The following FAM110B variants were observed in gnomAD, a reference collection of about 807,000 sequenced individuals.
FAM110B encodes protein FAM110B.
In FAM110B, 6 loss-of-function variants were observed where a neutral mutation model predicts 20.4. That is an observed-to-expected ratio of 0.29 (90% confidence interval 0.16 to 0.58). The LOEUF is 0.58. FAM110B is among the 20% of genes least tolerant of loss of function. FAM110B has a pLI of 0.90. For synonymous variants in FAM110B, 226 were observed against 214.1 expected, an observed-to-expected ratio of 1.06 and a Z score of -0.49; for missense variants, 434 against 498.2, an observed-to-expected ratio of 0.87 and a Z score of 1.23.
chr8:58,086,528 G>A (rs1806339689), intron 3 of FAM110B, among the ~76,000 whole-genome samples: 1 of 152,032 alleles, frequency 6.6e-6, no homozygotes, highest in Non-Finnish European at 1.5e-5. Flanking sequence ...CTGAAACCTG[G>A]CTTTGAAGTG....
intron 1 of FAM110B, among the ~76,000 whole-genome samples, chr8:58,006,921 A>ATTTTTTTTTTTT (rs142497701): frequency 2.5e-5 from 3 of 119,652 alleles, no homozygotes; most frequent in Admixed American, 8.2e-5. Context: ...ATATATATAT[A>ATTTTTTTTTTTT]TATTTTTCCA....
chr8:58,084,836 C>T (rs1007886949), intron 3 of FAM110B, among the ~76,000 whole-genome samples: 17 of 152,104 alleles, frequency 1.1e-4, no homozygotes, highest in Non-Finnish European at 2.1e-4. Context: ...TGTCAGGTGC[C>T]AGCAGGGATT....
intron 3 of FAM110B, among the ~76,000 whole-genome samples, chr8:58,133,474 A>C (rs558075023): frequency 1.3e-5 from 2 of 152,308 alleles, no homozygotes; most frequent in African/African-American, 4.8e-5. Flanking sequence ...GGTCAGTACC[A>C]CCACTCACCA....
chr8:58,052,111 A>G (rs1315976627), intron 2 of FAM110B, among the ~76,000 whole-genome samples: 1 of 152,206 alleles, frequency 6.6e-6, no homozygotes, highest in Non-Finnish European at 1.5e-5. Flanking sequence ...AAATCAAAAC[A>G]TGGGAATCAT....
chr8:58,073,996 G>A (rs889956740), intron 2 of FAM110B, among the ~76,000 whole-genome samples: 2 of 152,166 alleles, frequency 1.3e-5, no homozygotes, highest in Non-Finnish European at 2.9e-5. Context: ...TATAGGTCCT[G>A]CGGTCAGGAA....
intron 3 of FAM110B, among the ~76,000 whole-genome samples, chr8:58,087,469 T>C (rs1806366743): frequency 6.6e-6 from 1 of 152,158 alleles, no homozygotes; most frequent in Non-Finnish European, 1.5e-5. Context: ...GCTTCATAGA[T>C]GAGGCAACAG....
chr8:58,007,631 A>G lies in FAM110B; in HGVS notation c.-512+12825A>G, dbSNP rs563111453. ...AATGGGATTAGTGCCCTTGTAAAAG[A>G]AACCCCAGAGGACTCCCCTCCTCCT... On this transcript the variant is annotated intron_variant, in intron 1 of 3. Transcript: ENST00000519262. Among the ~76,000 whole-genome samples, 6 of 152,292 alleles carry G rather than the reference A, an allele frequency of 3.9e-5. No homozygotes were observed. In the South Asian group the frequency reaches 1.2e-3, roughly 32 times the overall value.
intron 2 of FAM110B, among the ~76,000 whole-genome samples, chr8:58,059,726 T>C (rs1805617947): frequency 6.6e-6 from 1 of 152,008 alleles, no homozygotes; most frequent in Non-Finnish European, 1.5e-5. Flanking sequence ...TGTTATTTGA[T>C]GAGCAGACAT....
At chr8:58,044,125 C>T (rs1247967421) in intron 2 of FAM110B, among the ~76,000 whole-genome samples, 2 of 152,174 alleles carry the variant, frequency 1.3e-5, no homozygotes, top group African/African-American at 4.8e-5. Flanking sequence ...CTCATCTGTG[C>T]TACTTGTGAA....
chr8:58,034,149 A>G (rs1191722787), intron 2 of FAM110B, among the ~76,000 whole-genome samples: 1 of 152,208 alleles, frequency 6.6e-6, no homozygotes, highest in Non-Finnish European at 1.5e-5. Flanking sequence ...TAAGGGACAG[A>G]TGACCATTGA....
At chr8:58,038,660 G>A (rs1805138630) in intron 2 of FAM110B, among the ~76,000 whole-genome samples, 1 of 151,890 alleles carries the variant, frequency 6.6e-6, no homozygotes, top group Non-Finnish European at 1.5e-5. Flanking sequence ...GCTGAGTCAG[G>A]AGAATCATTT....
intron 2 of FAM110B, among the ~76,000 whole-genome samples, chr8:58,036,340 C>T (rs1275534827): frequency 6.6e-6 from 1 of 152,212 alleles, no homozygotes; most frequent in African/African-American, 2.4e-5. Context: ...CTCAGCCAGA[C>T]ATTTTATATT....
At chr8:58,143,299 A>G (rs1202794058) in intron 3 of FAM110B, among the ~76,000 whole-genome samples, 1 of 152,232 alleles carries the variant, frequency 6.6e-6, no homozygotes, top group African/African-American at 2.4e-5. Flanking sequence ...TGGGTCTTCC[A>G]ATAAGATGAA....
At position 58,040,354 on chromosome 8, in the gene FAM110B, A is replaced by G. The variant is rs1805186359; in HGVS notation, c.-414+8651A>G. 1.3e-5 allele frequency among the ~76,000 whole-genome samples: 2 copies of G among 152,172 alleles called. 1 individual carries two copies. The highest frequency in any genetic ancestry group is 4.1e-4 in the South Asian group (2 of 4,824). On this transcript the variant is annotated intron_variant, in intron 2 of 3. Transcript: ENST00000519262. Reference sequence around the variant, plus strand: ...TACCAATACCTGAAATATGCTTACGAAGAGAAACTGGTATCTGTATCCCAG... The same window carrying G: ...TACCAATACCTGAAATATGCTTACGGAGAGAAACTGGTATCTGTATCCCAG...
At chr8:58,144,009 C>T (rs903192300) in intron 3 of FAM110B, among the ~76,000 whole-genome samples, 2 of 152,168 alleles carry the variant, frequency 1.3e-5, no homozygotes, top group East Asian at 3.8e-4. Context: ...CAGAACCTCA[C>T]GATTTTACAG....
At chr8:58,018,171 A>G (rs1315183481) in intron 1 of FAM110B, among the ~76,000 whole-genome samples, 1 of 152,144 alleles carries the variant, frequency 6.6e-6, no homozygotes, top group East Asian at 1.9e-4. Flanking sequence ...CTGTTCTATC[A>G]ATTATTGAGT....
intron 3 of FAM110B, among the ~76,000 whole-genome samples, chr8:58,097,676 A>C (rs535018471): frequency 1.3e-5 from 2 of 152,244 alleles, no homozygotes; most frequent in South Asian, 4.2e-4. Flanking sequence ...CTCCGTCTTC[A>C]TGGATTTATC....
intron 3 of FAM110B, among the ~76,000 whole-genome samples, chr8:58,122,369 C>T (rs1807384366): frequency 6.6e-6 from 1 of 152,078 alleles, no homozygotes; most frequent in South Asian, 2.1e-4. Context: ...ATCTGATTAA[C>T]TTTTAATATT....
chr8:58,143,910 A>T (rs1803797624), intron 3 of FAM110B, among the ~76,000 whole-genome samples: 1 of 152,230 alleles, frequency 6.6e-6, no homozygotes, highest in South Asian at 2.1e-4. Context: ...AAGAACAGTC[A>T]GTGCGGGACC....
Sources: gnomAD v4.1 joint callset for allele counts (sites outside exome capture counted in the v4.1 genomes callset) on GRCh38, gnomAD v4.1.1 for gene constraint, MANE v1.5 for transcripts, NCBI Gene and HGNC (gene_info 2026-07-23, HGNC 2026-07-21) for gene names.